Variants in ANKRD33B observed in about 807,000 individuals in gnomAD.
The protein encoded by ANKRD33B is ankyrin repeat domain 33B, also known as ankyrin repeat domain-containing protein 33B.
A neutral mutation model predicts 21.5 loss-of-function variants in ANKRD33B; 6 were observed. The ratio of observed to expected loss-of-function variants is 0.28; its 90% CI spans 0.15 to 0.55. ANKRD33B has a LOEUF of 0.55. ANKRD33B is among the 20% of genes least tolerant of loss of function. The probability of loss-of-function intolerance (pLI) is 0.94; values close to 1 mark genes in which losing one functional copy is unlikely to be tolerated. For missense variants in ANKRD33B, 698 were observed against 747.2 expected (o/e 0.93, Z 0.77); for synonymous variants, 347 against 342.4 (o/e 1.01, Z -0.15).
chr5:10,576,657 A>G lies in ANKRD33B; in HGVS notation c.366+11824A>G, dbSNP rs924442297. On this transcript the variant is annotated intron_variant, in intron 1 of 3. Transcript: ENST00000296657. The surrounding 1 kb of genome is among the most constrained non-coding windows in gnomAD (Gnocchi z 4.1). ...GCTTGTGCTGTAATAGACACTCAGT[A>G]AACAGAGCTGTTGTTTCTATGGGCG... is the stretch of plus-strand genomic sequence containing the variant. Among the ~76,000 whole-genome samples the G allele has an allele frequency of 2.6e-5, 4 of 152,260 alleles. No homozygotes were observed. Among genetic ancestry groups the G allele is most frequent in the African/African-American group, 9.6e-5 (4 of 41,474 alleles).
intron 1 of ANKRD33B, among the ~76,000 whole-genome samples, chr5:10,604,398 G>A (rs10075036): frequency 0.015 from 2,255 of 148,100 alleles, 50 homozygotes; most frequent in African/African-American, 0.053. Context: ...TCGCCATGTC[G>A]ACCAGGCTGG....
At chr5:10,630,912 T>C (rs1736695626) in intron 2 of ANKRD33B, among the ~76,000 whole-genome samples, 1 of 150,592 alleles carries the variant, frequency 6.6e-6, no homozygotes, top group Admixed American at 6.6e-5. Flanking sequence ...TGCTAATAAA[T>C]AGACTGAGTG....
chr5:10,646,630 G>A (rs1161851003), intron 3 of ANKRD33B, among the ~76,000 whole-genome samples: 1 of 152,160 alleles, frequency 6.6e-6, no homozygotes, highest in Non-Finnish European at 1.5e-5. Flanking sequence ...TAATTTTATA[G>A]TTTGTTCCTT....
At chr5:10,625,358 C>G (rs1485164241) in intron 2 of ANKRD33B, among the ~76,000 whole-genome samples, 1 of 152,252 alleles carries the variant, frequency 6.6e-6, no homozygotes, top group Non-Finnish European at 1.5e-5. Context: ...CTTATCAGCA[C>G]TCAGGAGTCA....
intron 1 of ANKRD33B, among the ~76,000 whole-genome samples, chr5:10,568,484 A>G (rs1044424218): frequency 1.3e-5 from 2 of 152,220 alleles, no homozygotes. Context: ...GCCCAAATAC[A>G]TGCTCAATTT....
chr5:10,589,474 C>T (rs1272505216), intron 1 of ANKRD33B, among the ~76,000 whole-genome samples: 1 of 152,224 alleles, frequency 6.6e-6, no homozygotes, highest in African/African-American at 2.4e-5. Flanking sequence ...ACTTTGCCAA[C>T]ACCAATTAAT....
At position 10,649,687 on chromosome 5, in the gene ANKRD33B, C is replaced by T. The variant is rs931042637; in HGVS notation, c.1059C>T (p.Gly353=). The change falls in exon 4 of 4, where the codon GGC becomes GGT. Residue 353 remains glycine, a synonymous_variant. Transcript: ENST00000296657. Reference sequence around the variant, plus strand: ...TCCTGGCGGCGCGGGCTGCACGGGGCCCCCAGGCGCAGGAGGAGGATGAGG... The same window carrying T: ...TCCTGGCGGCGCGGGCTGCACGGGGTCCCCAGGCGCAGGAGGAGGATGAGG... The part of the protein sequence containing the change: ...QEILAARAAR[G]PQAQEEDEVG... 17 of 1,520,490 alleles carry T rather than the reference C, an allele frequency of 1.1e-5. No homozygotes were observed. The Admixed American group carries it at 1.8e-4, about 16-fold the overall frequency. The allele number at this position is 1,520,490 out of a possible 1,614,324, so 94.2% of individuals were successfully genotyped here.
At chr5:10,629,957 G>A (rs1004750839) in intron 2 of ANKRD33B, among the ~76,000 whole-genome samples, 1 of 152,194 alleles carries the variant, frequency 6.6e-6, no homozygotes, top group East Asian at 1.9e-4. Context: ...GGTGGTTTCA[G>A]CAAAGTCAGA....
In ANKRD33B at chr5:10,654,159, G is replaced by C. The variant is rs1386900667; in HGVS notation, c.*4046G>C. Reference sequence around the variant, plus strand: ...TGTTGTCCCTGTCGGGTTATGGTGGGACCTCCTAGACCCCAGAGTGAATGA... The same window carrying C: ...TGTTGTCCCTGTCGGGTTATGGTGGCACCTCCTAGACCCCAGAGTGAATGA... On this transcript the variant is annotated 3_prime_UTR_variant, in exon 4 of 4. Transcript: ENST00000296657. The C allele has an allele frequency of 1.3e-5, 2 of 152,462 alleles. No homozygotes were observed. Among genetic ancestry groups the C allele is most frequent in the Non-Finnish European group, 2.9e-5 (2 of 68,136 alleles). The allele number at this position is 152,462 out of a possible 1,614,324, so 9.4% of individuals were successfully genotyped here. A position where few individuals can be genotyped will look rare whatever the true frequency, so the allele number is the denominator to read the frequency against.
intron 1 of ANKRD33B, among the ~76,000 whole-genome samples, chr5:10,579,020 T>C (rs1414392432): frequency 6.6e-6 from 1 of 151,960 alleles, no homozygotes; most frequent in Non-Finnish European, 1.5e-5. Flanking sequence ...AAAAGTTTTC[T>C]GGTCATGGTG....
At chr5:10,587,851 T>G (rs1325706945) in intron 1 of ANKRD33B, among the ~76,000 whole-genome samples, 1 of 152,230 alleles carries the variant, frequency 6.6e-6, no homozygotes, top group Admixed American at 6.5e-5. Flanking sequence ...TATTCAGTAA[T>G]TTTGGGTCTT....
chr5:10,656,330 CCTGA>C lies in ANKRD33B; in HGVS notation c.*6220_*6223del, dbSNP rs1439759282. On this transcript the variant is annotated 3_prime_UTR_variant, in exon 4 of 4. Transcript: ENST00000296657. ...ACACAATTTCCTCACGCTGACCCAG[CCTGA>C]CTAAGACTTGATAAAAGGCACAGCC... 8 of 152,392 alleles carry C rather than the reference CCTGA, an allele frequency of 5.2e-5. No individual in the cohort carries two copies. Among genetic ancestry groups the C allele is most frequent in the South Asian group, 2.1e-4 (1 of 4,832 alleles). The allele number at this position is 152,392 out of a possible 1,614,324, so 9.4% of individuals were successfully genotyped here.
chr5:10,598,545 G>A (rs1410333157), intron 1 of ANKRD33B, among the ~76,000 whole-genome samples: 1 of 152,158 alleles, frequency 6.6e-6, no homozygotes, highest in Non-Finnish European at 1.5e-5. Flanking sequence ...GGGATTATAG[G>A]CGTGAGTCAC....
At chr5:10,616,267 A>G (rs564878087) in intron 1 of ANKRD33B, among the ~76,000 whole-genome samples, 18 of 152,234 alleles carry the variant, frequency 1.2e-4, no homozygotes, top group Admixed American at 9.2e-4. Flanking sequence ...ATGAAAAATT[A>G]TATTCTTACT....
At chr5:10,588,036 G>A (rs920281052) in intron 1 of ANKRD33B, among the ~76,000 whole-genome samples, 9 of 152,114 alleles carry the variant, frequency 5.9e-5, no homozygotes, top group African/African-American at 1.4e-4. Context: ...GAAATTGCCT[G>A]TTTCACTATA....
chr5:10,635,751 C>T (rs1736842667), intron 2 of ANKRD33B, among the ~76,000 whole-genome samples: 1 of 152,204 alleles, frequency 6.6e-6, no homozygotes, highest in Non-Finnish European at 1.5e-5. Flanking sequence ...CCTGGAGTGG[C>T]CCTCAAAGGA....
rs1382979281 is a variant in ANKRD33B at position 10,650,806 on chromosome 5, A to C, written c.*693A>C. 1.3e-5 allele frequency: 2 copies of C among 152,420 alleles called. No homozygotes were observed. Among genetic ancestry groups the C allele is most frequent in the African/African-American group, 4.8e-5 (2 of 41,478 alleles). 9.4% of individuals were successfully genotyped at this position (152,420 alleles called of 1,614,324 possible). A position where few individuals can be genotyped will look rare whatever the true frequency, so the allele number is the denominator to read the frequency against. On this transcript the variant is annotated 3_prime_UTR_variant, in exon 4 of 4. Coordinates refer to ENST00000296657, the MANE Select transcript of ANKRD33B (RefSeq NM_001164440.2). ...TCCATATAGTAATATATTGAGGAAA[A>C]ACATATTGTCAAATTATAAAACAAT...
rs115748292 is a variant in ANKRD33B at position 10,612,916 on chromosome 5, A to G, written c.367-5417A>G. On this transcript the variant is annotated intron_variant, in intron 1 of 3. Coordinates refer to ENST00000296657, the MANE Select transcript of ANKRD33B (RefSeq NM_001164440.2). ...TTCTTGCATTCATTCATAAAGCCAC[A>G]TAGACATCTCCCCCGACCTATTGCT... Among the ~76,000 whole-genome samples the G allele has an allele frequency of 3.8e-3, 579 of 152,352 alleles. 2 individuals carry two copies. The highest frequency in any genetic ancestry group is 7.0e-3 in the Admixed American group (107 of 15,306).
chr5:10,645,410 C>A (rs1737169916), intron 3 of ANKRD33B, among the ~76,000 whole-genome samples: 1 of 152,208 alleles, frequency 6.6e-6, no homozygotes, highest in Non-Finnish European at 1.5e-5. Flanking sequence ...GGCCATGGCT[C>A]CCAGAGAAAG....
Sources: gnomAD v4.1 joint callset for allele counts (sites outside exome capture counted in the v4.1 genomes callset) on GRCh38, gnomAD v4.1.1 for gene constraint, Gnocchi (gnomAD v3.1) non-coding constraint, MANE v1.5 for transcripts, NCBI Gene and HGNC (gene_info 2026-07-23, HGNC 2026-07-21) for gene names.